Variants in ROBO1 observed in about 807,000 individuals in gnomAD.
The protein encoded by ROBO1 is roundabout guidance receptor 1, also known as roundabout homolog 1.
Under a neutral mutation model 195.9 loss-of-function variants are expected in ROBO1, and 149 were observed. That is an observed-to-expected ratio of 0.76 (90% CI 0.67 to 0.87). The LOEUF (loss-of-function observed/expected upper bound fraction) is 0.87. Ranked by LOEUF, ROBO1 falls within the 40% of genes least tolerant of loss-of-function variation. The probability of loss-of-function intolerance (pLI) is 0.00; values close to 1 mark genes in which losing one functional copy is unlikely to be tolerated. For synonymous variants in ROBO1, 816 were observed against 733.2 expected (o/e 1.11, Z -1.82); for missense variants, 1,933 against 2,068.3 (o/e 0.93, Z 1.27).
chr3:79,633,376 G>C (rs2108034872), intron 1 of ROBO1, among the ~76,000 whole-genome samples: 1 of 140,844 alleles, frequency 7.1e-6, no homozygotes, highest in Middle Eastern at 3.7e-3. Flanking sequence ...TTTTTGGAGA[G>C]ATGGGGTTTC....
At chr3:78,845,735 T>A (rs2033621391) in intron 4 of ROBO1, among the ~76,000 whole-genome samples, 1 of 152,180 alleles carries the variant, frequency 6.6e-6, no homozygotes, top group Non-Finnish European at 1.5e-5. Context: ...GAGGGGAAAG[T>A]GGTAGCATGT....
At chr3:78,668,653 G>T in intron 11 of ROBO1, 88 bp from the exon 12 acceptor site, 2 of 1,099,004 alleles carry the variant, frequency 1.8e-6, no homozygotes, top group Non-Finnish European at 2.7e-6. Flanking sequence ...TATGATCCAT[G>T]AATATGGATA....
At chr3:79,552,168 A>G (rs1222054014) in intron 2 of ROBO1, among the ~76,000 whole-genome samples, 5 of 151,946 alleles carry the variant, frequency 3.3e-5, no homozygotes, top group African/African-American at 9.7e-5. Context: ...CTGCAGAACA[A>G]TAATCACACA....
intron 21 of ROBO1, among the ~76,000 whole-genome samples, chr3:78,645,944 A>T (rs141591439): frequency 0.014 from 2,086 of 152,182 alleles, 22 homozygotes; most frequent in Non-Finnish European, 0.024. Context: ...GTGGTCACTG[A>T]CTAAGATGCA....
chr3:78,902,719 T>A (rs2037660590), intron 4 of ROBO1, among the ~76,000 whole-genome samples: 1 of 152,192 alleles, frequency 6.6e-6, no homozygotes, highest in East Asian at 1.9e-4. Flanking sequence ...GGCAGGCACC[T>A]GTAATCCCAG....
At chr3:79,007,356 T>G (rs920894718) in intron 3 of ROBO1, among the ~76,000 whole-genome samples, 1 of 151,996 alleles carries the variant, frequency 6.6e-6, no homozygotes, top group African/African-American at 2.4e-5. Context: ...ACACAGAAAG[T>G]AATGAGGAAA....
At chr3:79,759,060 C>G (rs975588747) in intron 1 of ROBO1, among the ~76,000 whole-genome samples, 6 of 151,814 alleles carry the variant, frequency 4.0e-5, no homozygotes, top group Non-Finnish European at 8.8e-5. Flanking sequence ...TTTTAACACT[C>G]TCTTAAATTA....
intron 4 of ROBO1, among the ~76,000 whole-genome samples, chr3:78,758,258 G>A (rs146539447): frequency 1.3e-5 from 2 of 152,046 alleles, no homozygotes; most frequent in Admixed American, 6.6e-5. Flanking sequence ...AGTGGCTCAC[G>A]CCTGTAATCC....
At chr3:79,119,917 C>T (rs1296846342) in intron 3 of ROBO1, among the ~76,000 whole-genome samples, 1 of 152,056 alleles carries the variant, frequency 6.6e-6, no homozygotes, top group East Asian at 1.9e-4. Flanking sequence ...ACTACAGGCA[C>T]ATGCCACCAT....
chr3:78,647,135 G>A (rs1460604232), intron 20 of ROBO1, among the ~76,000 whole-genome samples: 1 of 151,920 alleles, frequency 6.6e-6, no homozygotes, highest in African/African-American at 2.4e-5. Context: ...GAAAGAAATT[G>A]GATAGAACGG....
At chr3:79,387,614 CTATT>C (rs958779371) in intron 2 of ROBO1, among the ~76,000 whole-genome samples, 1 of 151,846 alleles carries the variant, frequency 6.6e-6, no homozygotes, top group African/African-American at 2.4e-5. Context: ...TTTTGTATAT[CTATT>C]ACCATACCCT....
At position 79,462,151 on chromosome 3, in the gene ROBO1, A is replaced by AC. The variant is rs546056063; in HGVS notation, c.88+127672dup. Among the ~76,000 whole-genome samples, 4 of 152,266 alleles carry AC rather than the reference A, an allele frequency of 2.6e-5. No homozygotes were observed. In the South Asian group the frequency reaches 8.3e-4, roughly 32 times the overall value. ...GGATTGTAGGGTAGAAAAAGTAGAC[A>AC]CTTTTTTTCCAAGATGAGAACCCTC... On this transcript the variant is annotated intron_variant, in intron 2 of 30. Transcript: ENST00000464233.
rs775328839 is a variant in ROBO1, at chr3:78,646,130, A to C, written c.2882+18T>G. 41 of 1,603,694 alleles carry C rather than the reference A, an allele frequency of 2.6e-5. No individual in the cohort carries two copies. The highest frequency in any genetic ancestry group is 3.3e-5 in the Non-Finnish European group (39 of 1,172,264). On this transcript the variant is annotated intron_variant, in intron 21 of 30. Coordinates refer to ENST00000464233, the MANE Select transcript of ROBO1 (RefSeq NM_002941.4). Reference sequence around the variant, plus strand: ...TTGGAATTCCCTGTAGGATCTACAAAACAAGCAAGATAATTACCTCCCTCC... The same window carrying C: ...TTGGAATTCCCTGTAGGATCTACAACACAAGCAAGATAATTACCTCCCTCC...
intron 2 of ROBO1, among the ~76,000 whole-genome samples, chr3:79,506,039 C>T (rs1301161139): frequency 6.6e-6 from 1 of 152,042 alleles, no homozygotes. Flanking sequence ...TAAGCCTGGA[C>T]TGGAAATACA....
At chr3:79,020,279 CT>C (rs1049387946) in intron 3 of ROBO1, among the ~76,000 whole-genome samples, 5 of 152,216 alleles carry the variant, frequency 3.3e-5, no homozygotes, top group Admixed American at 6.5e-5. Flanking sequence ...TTTCTCTTCT[CT>C]GTTTCTGTTC....
chr3:79,569,556 A>G (rs934415747), intron 2 of ROBO1, among the ~76,000 whole-genome samples: 12 of 152,238 alleles, frequency 7.9e-5, no homozygotes, highest in African/African-American at 2.9e-4. Context: ...AGGTCAACTC[A>G]AGTAAAAATG....
chr3:79,050,547 C>T (rs2078677277), intron 3 of ROBO1, among the ~76,000 whole-genome samples: 1 of 152,108 alleles, frequency 6.6e-6, no homozygotes, highest in African/African-American at 2.4e-5. Flanking sequence ...ACCAAGCGGA[C>T]CTAATAGACA....
chr3:79,153,012 C>T (rs902290235), intron 2 of ROBO1, among the ~76,000 whole-genome samples: 2 of 151,688 alleles, frequency 1.3e-5, no homozygotes, highest in Admixed American at 1.3e-4. Context: ...TGATGTAGAA[C>T]CTCACAGGTA....
intron 3 of ROBO1, among the ~76,000 whole-genome samples, chr3:79,080,252 C>T (rs1193873660): frequency 2.0e-5 from 3 of 151,868 alleles, no homozygotes; most frequent in South Asian, 4.2e-4. Flanking sequence ...CTTTCAGTTA[C>T]GTTGTTTTGG....
Sources: gnomAD v4.1 joint callset for allele counts (sites outside exome capture counted in the v4.1 genomes callset) on GRCh38, gnomAD v4.1.1 for gene constraint, MANE v1.5 for transcripts, NCBI Gene and HGNC (gene_info 2026-07-23, HGNC 2026-07-21) for gene names.